The following MAP4K2 variants were observed in gnomAD, a reference collection of about 807,000 sequenced individuals.
MAP4K2 encodes mitogen-activated protein kinase kinase kinase kinase 2.
In MAP4K2, 85 loss-of-function variants were observed where a neutral mutation model predicts 125.3. That is an observed-to-expected ratio of 0.68 (90% CI 0.57 to 0.81). The LOEUF is 0.81. MAP4K2 is among the 40% of genes least tolerant of loss of function. The pLI is 0.00. For synonymous variants in MAP4K2, 479 were observed against 445.1 expected, an observed-to-expected ratio of 1.08 and a Z score of -0.96; for missense variants, 923 against 1,056.4, an observed-to-expected ratio of 0.87 and a Z score of 1.75.
At position 64,787,013 on chromosome 11, in the gene MAP4K2, A is replaced by T. The variant is rs1940218580; in HGVS notation, c.*2524T>A. On this transcript the variant is annotated 3_prime_UTR_variant, in exon 32 of 32. Coordinates refer to ENST00000294066, the MANE Select transcript of MAP4K2 (RefSeq NM_004579.5). ...ATTTAATACATTCATATTCTCCAGGATATATATATATTTTTTTCTCTTTTT... is the reference window on the plus strand; with the variant it reads ...ATTTAATACATTCATATTCTCCAGGTTATATATATATTTTTTTCTCTTTTT... The T allele has an allele frequency of 7.1e-6, 1 of 140,914 alleles. No homozygotes were observed. 8.7% of individuals were successfully genotyped at this position (140,914 alleles called of 1,614,324 possible). A position where few individuals can be genotyped will look rare whatever the true frequency, so the allele number is the denominator to read the frequency against.
intron 27 of MAP4K2, among the ~76,000 whole-genome samples, chr11:64,790,990 G>T (rs1450872972): frequency 2.0e-5 from 3 of 152,134 alleles, no homozygotes; most frequent in Non-Finnish European, 4.4e-5. Context: ...ACAAAACGTA[G>T]CCGGACGTGG....
At position 64,799,615 on chromosome 11, in the gene MAP4K2, C is replaced by T. The variant is rs749584560; in HGVS notation, c.984G>A (p.Ser328=). 45 of 1,614,036 alleles carry T rather than the reference C, an allele frequency of 2.8e-5. No homozygotes were observed. Among genetic ancestry groups the T allele is most frequent in the Middle Eastern group, 1.6e-4 (1 of 6,062 alleles). The part of the protein sequence containing the change: ...GQHGPAERTP[S]EIQFHQVKFG... Reference sequence around the variant, plus strand: ...CTGCTGCAGACTCACACTGGATCTCCGAGGGGGTCCTCTCGGCTGGGCCGT... The same window carrying T: ...CTGCTGCAGACTCACACTGGATCTCTGAGGGGGTCCTCTCGGCTGGGCCGT... The change falls in exon 13 of 32, where the codon TCG becomes TCA. Residue 328 remains serine (S), a synonymous_variant. Coordinates refer to ENST00000294066, the MANE Select transcript of MAP4K2 (RefSeq NM_004579.5).
In MAP4K2 at chr11:64,801,738, G is replaced by A. The variant is rs1446525107; in HGVS notation, c.386C>T (p.Ser129Phe). The change falls in exon 6 of 32, where the codon TCT (serine) becomes TTT (phenylalanine). Residue 129 changes from serine to phenylalanine, a missense_variant. Physicochemically the swap from Ser to Phe is radical, Grantham distance 155 (BLOSUM62 -2). Coordinates refer to ENST00000294066, the MANE Select transcript of MAP4K2 (RefSeq NM_004579.5). ...EALKGLHHLH[S>F]QGKIHRDIKG... Reference sequence around the variant, plus strand: ...GATGTCTCTGTGGATCTTCCCCTGAGAATGCAGGTGGTGGAGCCCCTGGCG... The same window carrying A: ...GATGTCTCTGTGGATCTTCCCCTGAAAATGCAGGTGGTGGAGCCCCTGGCG... 6.2e-7 allele frequency: 1 copy of A among 1,613,556 alleles called. No homozygotes were observed. Among genetic ancestry groups the A allele is most frequent in the Non-Finnish European group, 8.5e-7 (1 of 1,179,926 alleles).
chr11:64,795,588 C>G (rs1158609249), intron 24 of MAP4K2, among the ~76,000 whole-genome samples: 1 of 151,758 alleles, frequency 6.6e-6, no homozygotes, highest in Admixed American at 6.6e-5. Flanking sequence ...ATTTTTAGTA[C>G]AGACGGGGTT....
rs376915111 is a variant in MAP4K2 at position 64,796,786 on chromosome 11, G to C, written c.1492+23C>G. 1.9e-6 allele frequency: 3 copies of C among 1,613,426 alleles called. No individual in the cohort carries two copies. The East Asian group carries it at 6.7e-5, about 36-fold the overall frequency. On this transcript the variant is annotated intron_variant, in intron 21 of 31. Transcript: ENST00000294066. ...AAGCTGAGGGATTCCTTGGGCTCCC[G>C]CTTCCTCCCTGCCCCCACCTACCCC...
At position 64,797,156 on chromosome 11, in the gene MAP4K2, G is replaced by C. The variant is rs1430518710; in HGVS notation, c.1313C>G (p.Ser438Cys). The change falls in exon 19 of 32, where the codon TCC becomes TGC. Residue 438 changes from serine (S) to cysteine (C), a missense_variant. Transcript: ENST00000294066. ...LPPPPSGPNS[S>C]PLLPTAWATM... ...GGCCCAGGCCGTGGGCAGCAGTGGGGAGCTGTTGGGGCCTGAAGGAGGTGG... is the reference window on the plus strand; with the variant it reads ...GGCCCAGGCCGTGGGCAGCAGTGGGCAGCTGTTGGGGCCTGAAGGAGGTGG... The C allele has an allele frequency of 6.2e-7, 1 of 1,613,974 alleles. No homozygotes were observed. The highest frequency in any genetic ancestry group is 8.5e-7 in the Non-Finnish European group (1 of 1,180,008).
rs761857818 is a variant in MAP4K2, at chr11:64,790,358, G to T, written c.2161+36C>A. On this transcript the variant is annotated intron_variant, in intron 28 of 31. Coordinates refer to ENST00000294066, the MANE Select transcript of MAP4K2 (RefSeq NM_004579.5). ...CCCACGTGGTCGCCTTACCTCCATA[G>T]TCCCCTGCCCTAAGCCCTGCCCCCA... 2.5e-6 allele frequency: 4 copies of T among 1,613,560 alleles called. No individual in the cohort carries two copies. In the Admixed American group the frequency reaches 6.7e-5, roughly 27 times the overall value.
chr11:64,802,178 A>C, intron 4 of MAP4K2, 57 bp from the exon 5 acceptor site: 1 of 1,498,976 alleles, frequency 6.7e-7, no homozygotes, highest in South Asian at 1.1e-5. Context: ...CCACCCTCCC[A>C]GGCTACCGTG....
rs145937083 is a variant in MAP4K2, at chr11:64,796,702, C to T, written c.1504G>A (p.Val502Met). ...TAGATGCCTTCCTCGGCCCCTACCA[C>T]CAGGAACTGGTCTGCCAGTTTGGGC... ...IHPVTRDQFL[V>M]VGAEEGIYTL... Residue 502 changes from valine (V) to methionine (M), a missense_variant, in exon 22 of 32, where the codon GTG (valine) becomes ATG (methionine). By Grantham distance (21) the Val-to-Met change is conservative. Coordinates refer to ENST00000294066, the MANE Select transcript of MAP4K2 (RefSeq NM_004579.5). The T allele has an allele frequency of 1.9e-6, 3 of 1,613,954 alleles. No individual in the cohort carries two copies. Among genetic ancestry groups the T allele is most frequent in the Admixed American group, 1.7e-5 (1 of 60,028 alleles).
intron 6 of MAP4K2, 39 bp downstream of exon 6, chr11:64,801,671 C>T: frequency 6.2e-7 from 1 of 1,613,868 alleles, no homozygotes; most frequent in South Asian, 1.1e-5. Context: ...CGAGGGCCTC[C>T]TCCTCCCTCC....
chr11:64,790,132 G>A, intron 29 of MAP4K2, 56 bp downstream of exon 29: 1 of 1,597,412 alleles, frequency 6.3e-7, no homozygotes. Context: ...AGGCCCCTGA[G>A]CAACAACGTG....
intron 24 of MAP4K2, among the ~76,000 whole-genome samples, chr11:64,793,848 T>C (rs1471010498): frequency 3.9e-5 from 6 of 152,346 alleles, no homozygotes; most frequent in East Asian, 1.9e-4. Context: ...CTGTGACCTG[T>C]TGGGGCTCTG....
rs529516329 is a variant in MAP4K2, at chr11:64,799,688, G to A, written c.916-5C>T. 6 of 1,613,402 alleles carry A rather than the reference G, an allele frequency of 3.7e-6. No individual in the cohort carries two copies. The East Asian group carries it at 8.9e-5, about 24-fold the overall frequency. On this transcript the variant is annotated splice_polypyrimidine_tract_variant and splice_region_variant and intron_variant, in intron 12 of 31. Transcript: ENST00000294066. Reference sequence around the variant, plus strand: ...GTCTGGAAACATGTCATAGGTCTAAGGAAAAACAGAAACAGTGTGGACACA... The same window carrying A: ...GTCTGGAAACATGTCATAGGTCTAAAGAAAAACAGAAACAGTGTGGACACA...
rs1430710664 is a variant in MAP4K2, at chr11:64,797,382, TG to T, written c.1171-3del. Reference sequence around the variant, plus strand: ...GGTATCGTCTGGGGAGTCCAGCTCCTGGTAGGAGGGGCAGGGCCCAGCCCGG... The same window carrying T: ...GGTATCGTCTGGGGAGTCCAGCTCCTGTAGGAGGGGCAGGGCCCAGCCCGG... On this transcript the variant is annotated splice_polypyrimidine_tract_variant and splice_region_variant and intron_variant, in intron 17 of 31. Coordinates refer to ENST00000294066, the MANE Select transcript of MAP4K2 (RefSeq NM_004579.5). 14 of 1,578,894 alleles carry T rather than the reference TG, an allele frequency of 8.9e-6. No individual in the cohort carries two copies. The highest frequency in any genetic ancestry group is 1.2e-5 in the Non-Finnish European group (14 of 1,162,126).
chr11:64,791,811 T>C, intron 27 of MAP4K2, 98 bp downstream of exon 27: 2 of 1,314,288 alleles, frequency 1.5e-6, no homozygotes, highest in Non-Finnish European at 2.0e-6. Flanking sequence ...CCACTGGCTG[T>C]GGGGAGCCTA....
At chr11:64,799,278 G>A (rs1592600146) in intron 14 of MAP4K2, 143 bp downstream of exon 14, 2 of 963,714 alleles carry the variant, frequency 2.1e-6, no homozygotes, top group East Asian at 5.0e-5. Context: ...CCCTGGGTAG[G>A]ACAGGCTTGC....
At chr11:64,792,335 C>CCCCCCCCCCCCCCCCCCCCCCCAATTGTT in intron 25 of MAP4K2, 29 bp downstream of exon 25, 1 of 1,520,560 alleles carries the variant, frequency 6.6e-7, no homozygotes, top group Non-Finnish European at 9.0e-7. Context: ...CACCAGGCCC[C>CCCCCCCCCCCCCCCCCCCCCCCAATTGTT]GCCCCACCCC....
At chr11:64,791,217 C>G (rs751690013) in intron 27 of MAP4K2, among the ~76,000 whole-genome samples, 106 of 152,258 alleles carry the variant, frequency 7.0e-4, no homozygotes, top group South Asian at 1.9e-3. Context: ...GCCTTAACTA[C>G]GTGCGCCCTC....
intron 1 of MAP4K2, 24 bp from the exon 2 acceptor site, chr11:64,802,966 G>A (rs768900425): frequency 4.5e-6 from 7 of 1,562,704 alleles, no homozygotes; most frequent in Non-Finnish European, 6.1e-6. Context: ...GGGTGAAGCG[G>A]GATGGGGGGC....
Sources: gnomAD v4.1 joint callset for allele counts (sites outside exome capture counted in the v4.1 genomes callset) on GRCh38, gnomAD v4.1.1 for gene constraint, MANE v1.5 for transcripts, NCBI Gene and HGNC (gene_info 2026-07-23, HGNC 2026-07-21) for gene names.